The following ZNG1A variants were observed in gnomAD, a reference collection of about 807,000 sequenced individuals.
ZNG1A encodes Zn regulated GTPase metalloprotein activator 1A.
the ZNG1A span, among the ~76,000 whole-genome samples, chr9:149,913 CT>C: frequency 6.9e-6 from 1 of 145,226 alleles, no homozygotes; most frequent in Non-Finnish European, 1.5e-5. Context: ...ACTAAATCAA[CT>C]TAAGTCTTAC....
the ZNG1A span, among the ~76,000 whole-genome samples, chr9:124,950 G>T: frequency 3.3e-5 from 5 of 152,028 alleles, no homozygotes; most frequent in East Asian, 3.8e-4. Context: ...CTTTATCCAC[G>T]CATTGATTGA....
At chr9:164,186 T>C in the ZNG1A span, 2 of 984,782 alleles carry the variant, frequency 2.0e-6, no homozygotes, top group Non-Finnish European at 2.9e-6. Flanking sequence ...TTTAACTATT[T>C]ATAGCAAAAG....
the ZNG1A span, among the ~76,000 whole-genome samples, chr9:129,626 A>C: frequency 3.3e-5 from 5 of 150,274 alleles, no homozygotes; most frequent in African/African-American, 7.5e-5. Context: ...AAACTCATCA[A>C]ATCAGAAAGT....
chr9:176,970 G>C, the ZNG1A span, among the ~76,000 whole-genome samples: 1 of 152,172 alleles, frequency 6.6e-6, no homozygotes, highest in Non-Finnish European at 1.5e-5. Context: ...GAAATATCAA[G>C]GGAAGGGGGG....
the ZNG1A span, among the ~76,000 whole-genome samples, chr9:145,590 C>G: frequency 2.7e-5 from 4 of 149,818 alleles, no homozygotes; most frequent in African/African-American, 9.8e-5. Context: ...GGAGATATAA[C>G]TAATGCTAGA....
chr9:143,562 T>C, the ZNG1A span, among the ~76,000 whole-genome samples: 1 of 121,450 alleles, frequency 8.2e-6, no homozygotes. Context: ...ATAAGAGCTA[T>C]CTATGACAAA....
At chr9:158,030 T>C in the ZNG1A span, among the ~76,000 whole-genome samples, 9 of 148,202 alleles carry the variant, frequency 6.1e-5, no homozygotes, top group Non-Finnish European at 1.3e-4. Flanking sequence ...ACTCTGCAAT[T>C]ATGGAAGTCA....
At chr9:166,383 T>TA in the ZNG1A span, 1 of 150,118 alleles carries the variant, frequency 6.7e-6, no homozygotes, top group Non-Finnish European at 1.5e-5. Flanking sequence ...AGTGGAGTAT[T>TA]AAAAATATTT....
chr9:144,572 T>A, the ZNG1A span, among the ~76,000 whole-genome samples: 1,776 of 150,154 alleles, frequency 0.012, 7 homozygotes, highest in Middle Eastern at 0.017. Context: ...CTTAAACGTT[T>A]GACCTAAAAC....
the ZNG1A span, among the ~76,000 whole-genome samples, chr9:127,524 C>T: frequency 6.6e-6 from 1 of 152,204 alleles, no homozygotes; most frequent in African/African-American, 2.4e-5. Context: ...TGTCCGTTTG[C>T]ATGAAATGTC....
chr9:177,563 C>G, the ZNG1A span, among the ~76,000 whole-genome samples: 4 of 152,036 alleles, frequency 2.6e-5, no homozygotes, highest in East Asian at 7.7e-4. Flanking sequence ...GTGGAAAAAT[C>G]AGAAGAAAAA....
the ZNG1A span, chr9:151,311 C>A: frequency 1.0e-6 from 1 of 982,740 alleles, no homozygotes; most frequent in African/African-American, 1.8e-5. Context: ...TCACCTAAGG[C>A]CTCTGCTGTA....
At chr9:151,974 A>C in the ZNG1A span, 2 of 469,970 alleles carry the variant, frequency 4.3e-6, no homozygotes, top group Non-Finnish European at 7.5e-6. Flanking sequence ...CAATTATTTA[A>C]TGTTTATTAT....
the ZNG1A span, chr9:150,008 T>C: frequency 6.6e-6 from 1 of 151,490 alleles, no homozygotes; most frequent in African/African-American, 2.4e-5. Flanking sequence ...CTTATAGCAG[T>C]TTATTGTCAG....
At chr9:171,453 G>T in the ZNG1A span, 1 of 152,044 alleles carries the variant, frequency 6.6e-6, no homozygotes, top group African/African-American at 2.4e-5. Context: ...ACTTTATCAA[G>T]AATTAGAGCT....
the ZNG1A span, among the ~76,000 whole-genome samples, chr9:163,104 G>A: frequency 4.0e-5 from 6 of 151,342 alleles, no homozygotes; most frequent in Non-Finnish European, 7.4e-5. Context: ...GCTCAATGAT[G>A]GGGCCCAGCT....
the ZNG1A span, chr9:149,359 T>G: frequency 3.3e-5 from 5 of 151,038 alleles, 1 homozygote; most frequent in African/African-American, 1.2e-4. Context: ...CCAAGTTTTC[T>G]AGCCATTCTA....
the ZNG1A span, among the ~76,000 whole-genome samples, chr9:171,417 A>G: frequency 1.7e-4 from 26 of 152,294 alleles, no homozygotes; most frequent in African/African-American, 6.3e-4. Flanking sequence ...GATTTTATCT[A>G]AAAGTTATTT....
At chr9:145,583 G>A in the ZNG1A span, among the ~76,000 whole-genome samples, 23 of 149,700 alleles carry the variant, frequency 1.5e-4, no homozygotes, top group African/African-American at 5.7e-4. Flanking sequence ...AGCATTGGGA[G>A]ATATAACTAA....
Sources: allele counts gnomAD v4.1 joint callset (sites outside exome capture counted in the v4.1 genomes callset), GRCh38; gene constraint gnomAD v4.1.1; transcripts MANE v1.5; gene names NCBI Gene and HGNC (gene_info 2026-07-23, HGNC 2026-07-21).